REEP1: variants seen among roughly 807,000 people sequenced by gnomAD.
REEP1 encodes receptor expression-enhancing protein 1.
REEP1 carries 22 observed loss-of-function variants against 40.3 expected under a neutral mutation model. The ratio of observed to expected loss-of-function variants is 0.55; its 90% CI spans 0.39 to 0.78. The LOEUF is 0.78. Ranked by LOEUF, REEP1 falls within the 30% of genes least tolerant of loss-of-function variation. The pLI, the probability that REEP1 is intolerant of heterozygous loss-of-function variation, is 0.00. For missense variants in REEP1, 280 were observed against 361.1 expected (o/e 0.78, Z 1.82); for synonymous variants, 116 against 139.2 (o/e 0.83, Z 1.17).
intron 1 of REEP1, among the ~76,000 whole-genome samples, chr2:86,287,981 G>A (rs1678486109): frequency 6.6e-6 from 1 of 151,410 alleles, no homozygotes; most frequent in Non-Finnish European, 1.5e-5. Context: ...AATCCATGTT[G>A]ACACTTGTCT....
intron 1 of REEP1, among the ~76,000 whole-genome samples, chr2:86,327,797 G>A (rs969070875): frequency 6.6e-6 from 1 of 152,104 alleles, no homozygotes; most frequent in Non-Finnish European, 1.5e-5. Context: ...TGGATCTCCT[G>A]ATCTCATGAT....
At position 86,217,019 on chromosome 2, in the gene REEP1, G is replaced by T; in HGVS notation, c.*20C>A. 1 of 1,604,258 alleles carries T rather than the reference G, an allele frequency of 6.2e-7. No individual in the cohort carries two copies. The highest frequency in any genetic ancestry group is 8.5e-7 in the Non-Finnish European group (1 of 1,171,034). On this transcript the variant is annotated 3_prime_UTR_variant, in exon 9 of 9. Transcript: ENST00000538924. ...AGAGAAGAAACATTCTGTGGATCCG[G>T]TGCTGTTGGCTCATCTCACTCACGT... is the stretch of plus-strand genomic sequence containing the variant.
At chr2:86,328,418 A>C (rs1384018570) in intron 1 of REEP1, among the ~76,000 whole-genome samples, 1 of 152,258 alleles carries the variant, frequency 6.6e-6, no homozygotes, top group Non-Finnish European at 1.5e-5. Context: ...CCAGTGGCTC[A>C]TGCCTGTAAT....
chr2:86,238,106 G>A (rs1313784389), intron 5 of REEP1, among the ~76,000 whole-genome samples: 4 of 152,234 alleles, frequency 2.6e-5, no homozygotes, highest in Admixed American at 6.5e-5. Context: ...GCTTGAACCC[G>A]GGAGGCAGAG....
At chr2:86,330,263 A>G (rs972869088) in intron 1 of REEP1, among the ~76,000 whole-genome samples, 1 of 152,128 alleles carries the variant, frequency 6.6e-6, no homozygotes, top group Non-Finnish European at 1.5e-5. Context: ...TTCAACATAT[A>G]TGCTGGTCAT....
intron 3 of REEP1, among the ~76,000 whole-genome samples, chr2:86,255,503 G>C (rs1480654868): frequency 1.3e-5 from 2 of 152,114 alleles, no homozygotes; most frequent in Admixed American, 1.3e-4. Flanking sequence ...CCTCAAGCCT[G>C]TTCATTTATT....
chr2:86,226,156 T>G (rs960763703), intron 7 of REEP1, among the ~76,000 whole-genome samples: 1 of 140,448 alleles, frequency 7.1e-6, no homozygotes, highest in Non-Finnish European at 1.5e-5. Flanking sequence ...ATCATCATCA[T>G]CCTCATCATC....
At chr2:86,294,010 A>C (rs1678855360) in intron 1 of REEP1, among the ~76,000 whole-genome samples, 1 of 152,212 alleles carries the variant, frequency 6.6e-6, no homozygotes, top group South Asian at 2.1e-4. Flanking sequence ...TGCTAAGTTA[A>C]ATGGGCCAAT....
chr2:86,221,117 C>T (rs1482783685), intron 7 of REEP1, among the ~76,000 whole-genome samples: 1 of 152,156 alleles, frequency 6.6e-6, no homozygotes, highest in Non-Finnish European at 1.5e-5. Context: ...CTTGAGACAC[C>T]CTGCTCCTAA....
At chr2:86,314,322 G>T (rs1679896381) in intron 1 of REEP1, among the ~76,000 whole-genome samples, 1 of 152,168 alleles carries the variant, frequency 6.6e-6, no homozygotes, top group South Asian at 2.1e-4. Context: ...CCCACCTGGA[G>T]TCTCATTAAA....
chr2:86,225,362 C>T (rs1373543214), intron 7 of REEP1, among the ~76,000 whole-genome samples: 4 of 152,218 alleles, frequency 2.6e-5, no homozygotes, highest in African/African-American at 7.2e-5. Flanking sequence ...ACCTCTGCCT[C>T]CCGGATTCAA....
At chr2:86,251,770 T>C in intron 5 of REEP1, 187 bp downstream of exon 5, 2 of 653,630 alleles carry the variant, frequency 3.1e-6, no homozygotes, top group East Asian at 2.8e-5. Flanking sequence ...TGGGCATGTG[T>C]GTTGGGGGGT....
At chr2:86,259,316 G>T (rs549398870) in intron 3 of REEP1, among the ~76,000 whole-genome samples, 1 of 151,940 alleles carries the variant, frequency 6.6e-6, no homozygotes, top group South Asian at 2.1e-4. Context: ...TCTGGGAGAA[G>T]AGAGACACTT....
chr2:86,253,600 G>A (rs1676398204), intron 4 of REEP1, among the ~76,000 whole-genome samples: 1 of 152,166 alleles, frequency 6.6e-6, no homozygotes, highest in South Asian at 2.1e-4. Context: ...CCCAGCATTT[G>A]GGGAAAGGGA....
intron 3 of REEP1, among the ~76,000 whole-genome samples, chr2:86,259,116 G>A (rs961769006): frequency 1.3e-5 from 2 of 151,930 alleles, no homozygotes; most frequent in Admixed American, 1.3e-4. Flanking sequence ...GACCATCCTG[G>A]CTAACATGGT....
intron 1 of REEP1, among the ~76,000 whole-genome samples, chr2:86,296,769 A>G (rs1394398672): frequency 1.3e-5 from 2 of 152,196 alleles, no homozygotes; most frequent in African/African-American, 4.8e-5. Context: ...AGGCAAGAGA[A>G]TTGCTTGAAC....
Position 86,215,586 on chromosome 2 carries a change from C to T in REEP1, c.*1453G>A, listed in dbSNP as rs1384153340. 6.6e-6 allele frequency: 1 copy of T among 152,598 alleles called. No homozygotes were observed. Among genetic ancestry groups the T allele is most frequent in the African/African-American group, 2.4e-5 (1 of 41,440 alleles). 9.5% of individuals were successfully genotyped at this position (152,598 alleles called of 1,614,324 possible). ...GGTTGTGACCACTGCATGCATTACA[C>T]TGAAAGAAACACCAACTCGAAGCAC... On this transcript the variant is annotated 3_prime_UTR_variant, in exon 9 of 9. Coordinates refer to ENST00000538924, the MANE Select transcript of REEP1 (RefSeq NM_001371279.1).
chr2:86,253,064 C>A (rs1487656039), intron 4 of REEP1, among the ~76,000 whole-genome samples: 1 of 152,178 alleles, frequency 6.6e-6, no homozygotes, highest in Non-Finnish European at 1.5e-5. Context: ...GGCGTATCAC[C>A]TGAGGTCAAG....
At chr2:86,324,036 G>A (rs1243514460) in intron 1 of REEP1, among the ~76,000 whole-genome samples, 7 of 151,900 alleles carry the variant, frequency 4.6e-5, no homozygotes, top group Non-Finnish European at 1.0e-4. Context: ...GGTAGAGTAA[G>A]AAATTAAATG....
Sources: gnomAD v4.1 joint callset for allele counts (sites outside exome capture counted in the v4.1 genomes callset) on GRCh38, gnomAD v4.1.1 for gene constraint, MANE v1.5 for transcripts, NCBI Gene and HGNC (gene_info 2026-07-23, HGNC 2026-07-21) for gene names.